The following SLC30A4 variants were observed in gnomAD, a reference collection of about 807,000 sequenced individuals.
SLC30A4 encodes the protein probable proton-coupled zinc antiporter SLC30A4.
A neutral mutation model predicts 41.7 loss-of-function variants in SLC30A4; 20 were observed. The ratio of observed to expected loss-of-function variants is 0.48; its 90% CI spans 0.34 to 0.70. The LOEUF (loss-of-function observed/expected upper bound fraction) is 0.70. Ranked by LOEUF, SLC30A4 falls within the 30% of genes least tolerant of loss-of-function variation. The pLI is 0.01. For missense variants in SLC30A4, 441 were observed against 529.3 expected (o/e 0.83, Z 1.64); for synonymous variants, 181 against 195.9 (o/e 0.92, Z 0.64).
chr15:45,488,868 T>C lies in SLC30A4; in HGVS notation c.867A>G (p.Leu289=), dbSNP rs771133196. The change falls in exon 5 of 8, where the codon CTA becomes CTG. Residue 289 remains leucine, a synonymous_variant. Coordinates refer to ENST00000261867, the MANE Select transcript of SLC30A4 (RefSeq NM_013309.6). ...LGDLVQSVGV[L]IAAYIIRFKP... is the part of the protein sequence containing the mutation. ...TGAATCGTATGATGTATGCAGCTATTAGCACACCAACACTCTGTACCAAAT... is the reference window on the plus strand; with the variant it reads ...TGAATCGTATGATGTATGCAGCTATCAGCACACCAACACTCTGTACCAAAT... 1 of 1,613,978 alleles carries C rather than the reference T, an allele frequency of 6.2e-7. No individual in the cohort carries two copies. Among genetic ancestry groups the C allele is most frequent in the Non-Finnish European group, 8.5e-7 (1 of 1,179,878 alleles).
chr15:45,519,492 T>C (rs1362707695), intron 2 of SLC30A4: 1 of 152,210 alleles, frequency 6.6e-6, no homozygotes, highest in African/African-American at 2.4e-5. Flanking sequence ...GCCTCGAAGA[T>C]GCTTTATTTA....
Position 45,480,552 on chromosome 15 carries a change from G to C in SLC30A4, c.*4611C>G, listed in dbSNP as rs1395302230. On this transcript the variant is annotated 3_prime_UTR_variant, in exon 8 of 8. Transcript: ENST00000261867. ...TATGACAAATAACCAACTGGCTCAT[G>C]AGCTTGGCTTGCTTCAAAGACAAAA... 1 of 152,154 alleles carries C rather than the reference G, an allele frequency of 6.6e-6. No homozygotes were observed. Among genetic ancestry groups the C allele is most frequent in the Non-Finnish European group, 1.5e-5 (1 of 68,022 alleles). The allele number at this position is 152,154 out of a possible 1,614,324, so 9.4% of individuals were successfully genotyped here.
At chr15:45,495,956 T>C (rs1891900319) in intron 3 of SLC30A4, among the ~76,000 whole-genome samples, 1 of 152,196 alleles carries the variant, frequency 6.6e-6, no homozygotes, top group Non-Finnish European at 1.5e-5. Flanking sequence ...GCAAAGACAC[T>C]AGTCTGTTAT....
chr15:45,508,794 C>T (rs963788605), intron 3 of SLC30A4, among the ~76,000 whole-genome samples: 5 of 152,056 alleles, frequency 3.3e-5, no homozygotes, highest in Admixed American at 2.6e-4. Flanking sequence ...ACAATAGGAC[C>T]GGTCAGTTCT....
intron 2 of SLC30A4, among the ~76,000 whole-genome samples, chr15:45,517,345 C>CTTTTTTTTTTTTTTTTTTTTTTTTTTTTT (rs1166130286): frequency 1.5e-5 from 1 of 65,574 alleles, no homozygotes; most frequent in Non-Finnish European, 2.7e-5. Context: ...CCAATCCATT[C>CTTTTTTTTTTTTTTTTTTTTTTTTTTTTT]TTTTTTTTTT....
rs1793847602 is a variant in SLC30A4, at chr15:45,485,059, A to G, written c.*104T>C. On this transcript the variant is annotated 3_prime_UTR_variant, in exon 8 of 8. Coordinates refer to ENST00000261867, the MANE Select transcript of SLC30A4 (RefSeq NM_013309.6). The stretch of plus-strand genomic sequence containing the variant: ...TTTGAGAGACTGATGCTTGATACGG[A>G]CACAGCTGTCAGGGATTCCATTTTC... The G allele has an allele frequency of 4.8e-6, 4 of 832,046 alleles. No individual in the cohort carries two copies. Among genetic ancestry groups the G allele is most frequent in the Non-Finnish European group, 7.6e-6 (4 of 527,340 alleles). 51.5% of individuals were successfully genotyped at this position (832,046 alleles called of 1,614,324 possible).
intron 7 of SLC30A4, among the ~76,000 whole-genome samples, chr15:45,485,622 A>AG (rs1891685187): frequency 6.6e-6 from 1 of 152,258 alleles, no homozygotes; most frequent in South Asian, 2.1e-4. Flanking sequence ...TGATTTAAAA[A>AG]GCATCAATAG....
intron 2 of SLC30A4, among the ~76,000 whole-genome samples, chr15:45,517,792 C>A (rs1387249092): frequency 1.3e-5 from 2 of 151,744 alleles, no homozygotes; most frequent in Non-Finnish European, 2.9e-5. Context: ...ACTAAAAATA[C>A]AAAATATTAG....
chr15:45,519,721 G>A (rs1006621319), intron 2 of SLC30A4: 2 of 152,208 alleles, frequency 1.3e-5, no homozygotes, highest in Non-Finnish European at 2.9e-5. Flanking sequence ...GATTTCAGAA[G>A]TGAGAAGTCA....
chr15:45,513,486 CAA>C (rs34481795), intron 2 of SLC30A4, among the ~76,000 whole-genome samples: 5 of 129,998 alleles, frequency 3.8e-5, no homozygotes, highest in Admixed American at 7.7e-5. Flanking sequence ...TGACATCAGC[CAA>C]AAAAAAAAAG....
chr15:45,488,981 T>G lies in SLC30A4; in HGVS notation c.754A>C (p.Asn252His), dbSNP rs752293050. Reference sequence around the variant, plus strand: ...CACCCAGAACCTCTGGTAGGGGAATTTGAAGGCAGGGAGTGGGAATGGGAG... The same window carrying G: ...CACCCAGAACCTCTGGTAGGGGAATGTGAAGGCAGGGAGTGGGAATGGGAG... ...RHSHSHSLPS[N>H]SPTRGSGCER... The change falls in exon 5 of 8, where the codon AAT (asparagine) becomes CAT (histidine). Residue 252 changes from asparagine (N) to histidine (H), a missense_variant. This residue lies in a region of SLC30A4 where 312 missense variants were observed against 341.9 expected (regional missense o/e 0.91). Coordinates refer to ENST00000261867, the MANE Select transcript of SLC30A4 (RefSeq NM_013309.6). The G allele has an allele frequency of 8.7e-6, 14 of 1,613,960 alleles. No individual in the cohort carries two copies. The African/African-American group carries it at 1.7e-4, about 20-fold the overall frequency.
intron 2 of SLC30A4, among the ~76,000 whole-genome samples, chr15:45,514,541 G>A (rs1439941515): frequency 7.6e-6 from 1 of 131,372 alleles, no homozygotes; most frequent in African/African-American, 2.9e-5. Context: ...TTGAGACAGA[G>A]TCTCACTCTG....
intron 3 of SLC30A4, among the ~76,000 whole-genome samples, chr15:45,494,726 T>A (rs1167946106): frequency 2.0e-5 from 3 of 151,816 alleles, no homozygotes; most frequent in Non-Finnish European, 4.4e-5. Flanking sequence ...AAAGAAGAAA[T>A]AATTTTAAAA....
chr15:45,499,753 G>A (rs1460529053), intron 3 of SLC30A4, among the ~76,000 whole-genome samples: 1 of 151,992 alleles, frequency 6.6e-6, no homozygotes, highest in Non-Finnish European at 1.5e-5. Context: ...ATAAATCCAG[G>A]CATTTAAAAA....
intron 4 of SLC30A4, among the ~76,000 whole-genome samples, chr15:45,489,734 C>T (rs544146337): frequency 9.9e-5 from 15 of 151,792 alleles, no homozygotes; most frequent in Admixed American, 8.5e-4. Context: ...CAAACCTGCA[C>T]GTTGTGCACA....
In SLC30A4 at chr15:45,485,168, G is replaced by A; in HGVS notation, c.1285C>T (p.Pro429Ser). The change falls in exon 8 of 8, where the codon CCC becomes TCC. Residue 429 changes from proline (P) to serine (S), a missense_variant. This residue lies in a region of SLC30A4 where 100 missense variants were observed against 121.0 expected (regional missense o/e 0.83). Transcript: ENST00000261867. ...RTCANCQSSS[P>S] ...AGTTCCCAAAATACATAAAATTAGG[G>A]ACTAGAACTCTGACAATTTGCACAA... 2 of 1,611,256 alleles carry A rather than the reference G, an allele frequency of 1.2e-6. No individual in the cohort carries two copies. Among genetic ancestry groups the A allele is most frequent in the South Asian group, 2.2e-5 (2 of 90,314 alleles).
intron 2 of SLC30A4, chr15:45,519,164 G>A (rs1172457836): frequency 6.6e-6 from 1 of 150,926 alleles, no homozygotes; most frequent in Non-Finnish European, 1.5e-5. Context: ...TTACAGGTGT[G>A]AGCCACCGTG....
rs1891586353 is a variant in SLC30A4 at position 45,480,436 on chromosome 15, T to A, written c.*4727A>T. On this transcript the variant is annotated 3_prime_UTR_variant, in exon 8 of 8. Coordinates refer to ENST00000261867, the MANE Select transcript of SLC30A4 (RefSeq NM_013309.6). ...ATCTGGAGTTAGGGTTTGCAAATTGTATTTTGGCTACAAAGATATTAAACT... is the reference window on the plus strand; with the variant it reads ...ATCTGGAGTTAGGGTTTGCAAATTGAATTTTGGCTACAAAGATATTAAACT... The A allele has an allele frequency of 6.6e-6, 1 of 152,232 alleles. No homozygotes were observed. The highest frequency in any genetic ancestry group is 2.4e-5 in the African/African-American group (1 of 41,462). The allele number at this position is 152,232 out of a possible 1,614,324, so 9.4% of individuals were successfully genotyped here. A position where few individuals can be genotyped will look rare whatever the true frequency, so the allele number is the denominator to read the frequency against.
At chr15:45,518,580 T>C (rs1199612087) in intron 2 of SLC30A4, among the ~76,000 whole-genome samples, 3 of 141,270 alleles carry the variant, frequency 2.1e-5, no homozygotes, top group Admixed American at 6.8e-5. Context: ...TTCCCTTCTT[T>C]TTGAGAGAGT....
Sources: gnomAD v4.1 joint callset for allele counts (sites outside exome capture counted in the v4.1 genomes callset) on GRCh38, gnomAD v4.1.1 for gene constraint, gnomAD v4.1.1 regional missense constraint, MANE v1.5 for transcripts, NCBI Gene and HGNC (gene_info 2026-07-23, HGNC 2026-07-21) for gene names.